The following LPAR3 variants were observed in gnomAD, a reference collection of about 807,000 sequenced individuals.
The protein encoded by LPAR3 is LPA receptor 3.
LPAR3 carries 7 observed loss-of-function variants against 17.8 expected under a neutral mutation model. The ratio of observed to expected loss-of-function variants is 0.39; its 90% CI spans 0.22 to 0.74. The LOEUF (loss-of-function observed/expected upper bound fraction) is 0.74, where lower values mean the gene tolerates loss of function less well. LPAR3 is among the 30% of genes least tolerant of loss of function. The probability of loss-of-function intolerance (pLI) is 0.40; values close to 1 mark genes in which losing one functional copy is unlikely to be tolerated. For missense variants in LPAR3, 391 were observed against 453.4 expected (o/e 0.86, Z 1.25); for synonymous variants, 179 against 179.9 (o/e 0.99, Z 0.04).
Position 84,840,818 on chromosome 1 carries a change from A to G in LPAR3, c.736+24567T>C, listed in dbSNP as rs911850784. Among the ~76,000 whole-genome samples, 6 of 152,238 alleles carry G rather than the reference A, an allele frequency of 3.9e-5. No homozygotes were observed. In the East Asian group the frequency reaches 5.8e-4, roughly 15 times the overall value. ...AAAAGATATAATCAAAGGAGCCAAC[A>G]TTGTGCCAGGATTTTGTAGTGTAAT... On this transcript the variant is annotated intron_variant, in intron 2 of 2. Coordinates refer to ENST00000370611, the MANE Select transcript of LPAR3 (RefSeq NM_012152.3).
At chr1:84,846,071 T>G (rs1659590294) in intron 2 of LPAR3, among the ~76,000 whole-genome samples, 1 of 152,184 alleles carries the variant, frequency 6.6e-6, no homozygotes, top group African/African-American at 2.4e-5. Flanking sequence ...AATTTTGGTC[T>G]GATATTACAA....
chr1:84,892,170 G>A (rs931117955), intron 1 of LPAR3, among the ~76,000 whole-genome samples: 1 of 151,616 alleles, frequency 6.6e-6, no homozygotes, highest in South Asian at 2.1e-4. Flanking sequence ...CCGAGATCGC[G>A]CCACTGCACT....
chr1:84,892,387 C>T (rs1205760417), intron 1 of LPAR3, among the ~76,000 whole-genome samples: 2 of 152,208 alleles, frequency 1.3e-5, no homozygotes, highest in Non-Finnish European at 1.5e-5. Context: ...TTTTGTGTAG[C>T]TGCAACTTGT....
At chr1:84,856,347 C>G (rs561777990) in intron 2 of LPAR3, among the ~76,000 whole-genome samples, 2 of 152,352 alleles carry the variant, frequency 1.3e-5, no homozygotes, top group Admixed American at 1.3e-4. Flanking sequence ...TGTGTGCCAA[C>G]AATCTGTTCA....
intron 2 of LPAR3, among the ~76,000 whole-genome samples, chr1:84,848,558 C>T (rs1659636305): frequency 6.6e-6 from 1 of 152,224 alleles, no homozygotes; most frequent in Admixed American, 6.5e-5. Flanking sequence ...ACAATATTTC[C>T]TTTCCAAGTT....
chr1:84,877,976 T>C (rs1401108343), intron 1 of LPAR3, among the ~76,000 whole-genome samples: 2 of 151,738 alleles, frequency 1.3e-5, no homozygotes, highest in Non-Finnish European at 2.9e-5. Context: ...TGTTGAACAA[T>C]GTTAGGATGA....
intron 2 of LPAR3, among the ~76,000 whole-genome samples, chr1:84,818,389 T>A (rs1036566137): frequency 6.6e-6 from 1 of 152,104 alleles, no homozygotes; most frequent in East Asian, 1.9e-4. Context: ...AAAACTTTCA[T>A]GACAAAAAAA....
At chr1:84,881,906 G>C (rs1456973545) in intron 1 of LPAR3, among the ~76,000 whole-genome samples, 2 of 152,142 alleles carry the variant, frequency 1.3e-5, no homozygotes, top group Non-Finnish European at 1.5e-5. Flanking sequence ...GAAAGCTTTT[G>C]CTCCAAGATG....
At chr1:84,877,067 T>C (rs1660273404) in intron 1 of LPAR3, among the ~76,000 whole-genome samples, 3 of 152,246 alleles carry the variant, frequency 2.0e-5, no homozygotes, top group Admixed American at 6.5e-5. Flanking sequence ...TCCAGCCTTG[T>C]GCACCATGGA....
At chr1:84,845,683 G>C (rs1659583463) in intron 2 of LPAR3, among the ~76,000 whole-genome samples, 1 of 152,014 alleles carries the variant, frequency 6.6e-6, no homozygotes, top group South Asian at 2.1e-4. Flanking sequence ...CTCCAAATTA[G>C]AAATCAGAAC....
At chr1:84,890,484 T>C (rs533337860) in intron 1 of LPAR3, among the ~76,000 whole-genome samples, 1 of 152,332 alleles carries the variant, frequency 6.6e-6, no homozygotes, top group African/African-American at 2.4e-5. Flanking sequence ...GATATAATCT[T>C]CATTTTTACA....
intron 1 of LPAR3, among the ~76,000 whole-genome samples, chr1:84,873,087 G>A (rs1660186798): frequency 1.3e-5 from 2 of 152,080 alleles, no homozygotes; most frequent in Admixed American, 1.3e-4. Flanking sequence ...CCTGAAAAAC[G>A]GTCACAGCCA....
chr1:84,887,546 C>T (rs1160811874), intron 1 of LPAR3, among the ~76,000 whole-genome samples: 2 of 152,106 alleles, frequency 1.3e-5, no homozygotes, highest in Non-Finnish European at 2.9e-5. Flanking sequence ...TGTTTTCAAA[C>T]ACCTTTGGGG....
chr1:84,886,983 T>TTC, intron 1 of LPAR3, among the ~76,000 whole-genome samples: 1 of 152,274 alleles, frequency 6.6e-6, no homozygotes, highest in South Asian at 2.1e-4. Context: ...CATGAACAGT[T>TTC]CTTAGTAAAA....
chr1:84,854,062 C>A (rs1425485475), intron 2 of LPAR3, among the ~76,000 whole-genome samples: 2 of 152,210 alleles, frequency 1.3e-5, no homozygotes, highest in Non-Finnish European at 2.9e-5. Flanking sequence ...AGATATCTGA[C>A]AATGAAGTCC....
At position 84,813,820 on chromosome 1, in the gene LPAR3, T is replaced by C. The variant is rs1337094045; in HGVS notation, c.*26A>G. On this transcript the variant is annotated 3_prime_UTR_variant, in exon 3 of 3. Coordinates refer to ENST00000370611, the MANE Select transcript of LPAR3 (RefSeq NM_012152.3). ...AACAGCTCTTTTCCCAGAGGAGGCC[T>C]GGGTGGGCCGAGAGGCATCCAGAGT... 6.3e-7 allele frequency: 1 copy of C among 1,588,710 alleles called. No individual in the cohort carries two copies. The highest frequency in any genetic ancestry group is 1.1e-5 in the South Asian group (1 of 89,592).
chr1:84,854,160 C>T (rs1400648518), intron 2 of LPAR3, among the ~76,000 whole-genome samples: 1 of 152,164 alleles, frequency 6.6e-6, no homozygotes, highest in Non-Finnish European at 1.5e-5. Flanking sequence ...ACTCCTTATT[C>T]CAGAAATCAG....
At position 84,883,629 on chromosome 1, in the gene LPAR3, T is replaced by C. The variant is rs7540084; in HGVS notation, c.-19+9387A>G. On this transcript the variant is annotated intron_variant, in intron 1 of 2. Coordinates refer to ENST00000370611, the MANE Select transcript of LPAR3 (RefSeq NM_012152.3). ...TTGATCCCACAGTGAGATGGGCAGT[T>C]CAGCATTCTCCATTTTACAGAGAAG... Among the ~76,000 whole-genome samples the C allele has an allele frequency of 3.3e-5, 5 of 152,206 alleles. No individual in the cohort carries two copies. The East Asian group carries it at 9.6e-4, about 29-fold the overall frequency.
intron 1 of LPAR3, among the ~76,000 whole-genome samples, chr1:84,885,178 G>A (rs536896051): frequency 9.2e-5 from 14 of 152,114 alleles, no homozygotes; most frequent in Admixed American, 2.6e-4. Context: ...TGCTGCACAC[G>A]CTACAATGCA....
Sources: gnomAD v4.1 joint callset for allele counts (sites outside exome capture counted in the v4.1 genomes callset) on GRCh38, gnomAD v4.1.1 for gene constraint, MANE v1.5 for transcripts, NCBI Gene and HGNC (gene_info 2026-07-23, HGNC 2026-07-21) for gene names.